NSMCE1: variants seen among roughly 807,000 people sequenced by gnomAD.
NSMCE1 encodes the protein NSE1 component of SMC5/6 complex.
NSMCE1 carries 18 observed loss-of-function variants against 29.6 expected under a neutral mutation model. That is an observed-to-expected ratio of 0.61 (90% CI 0.42 to 0.90). The LOEUF is 0.90. Among genes scored for constraint, NSMCE1 ranks in the 40% least tolerant of loss-of-function variants. The probability of loss-of-function intolerance (pLI) is 0.00; values close to 1 mark genes in which losing one functional copy is unlikely to be tolerated. For missense variants in NSMCE1, 314 were observed against 343.6 expected, an observed-to-expected ratio of 0.91 and a Z score of 0.68; for synonymous variants, 124 against 133.4, an observed-to-expected ratio of 0.93 and a Z score of 0.49.
intron 5 of NSMCE1, among the ~76,000 whole-genome samples, chr16:27,229,872 C>T (rs1473470588): frequency 6.6e-6 from 1 of 152,196 alleles, no homozygotes; most frequent in Admixed American, 6.5e-5. Flanking sequence ...AGCCACTGCA[C>T]CCAGCCAAGC....
At position 27,235,208 on chromosome 16, in the gene NSMCE1, C is replaced by T. The variant is rs1365931358; in HGVS notation, c.228G>A (p.Thr76=). The change falls in exon 3 of 8, where the codon ACG becomes ACA. Residue 76 remains threonine, a synonymous_variant. Coordinates refer to ENST00000361439, the MANE Select transcript of NSMCE1 (RefSeq NM_145080.4). ...SLYIEIKRGV[T]EDDGRPIYAL... ...CATAAATGGGTCTCCCATCATCTTCCGTGACTCCTCTCTTTATCTCAATAT... is the reference window on the plus strand; with the variant it reads ...CATAAATGGGTCTCCCATCATCTTCTGTGACTCCTCTCTTTATCTCAATAT... 8 of 1,614,018 alleles carry T rather than the reference C, an allele frequency of 5.0e-6. No homozygotes were observed. The highest frequency in any genetic ancestry group is 2.2e-5 in the East Asian group (1 of 44,870).
chr16:27,255,479 T>G (rs1002985836), intron 2 of NSMCE1, among the ~76,000 whole-genome samples: 1 of 152,168 alleles, frequency 6.6e-6, no homozygotes, highest in African/African-American at 2.4e-5. Context: ...CATATATTCT[T>G]GTCTAGGGAT....
chr16:27,256,549 C>T (rs1321072480), intron 2 of NSMCE1, among the ~76,000 whole-genome samples: 6 of 152,242 alleles, frequency 3.9e-5, no homozygotes, highest in Admixed American at 3.9e-4. Context: ...CATACAATTA[C>T]TCATCCATCA....
chr16:27,260,167 TA>T (rs145425010), intron 1 of NSMCE1, among the ~76,000 whole-genome samples: 4 of 151,978 alleles, frequency 2.6e-5, no homozygotes, highest in Non-Finnish European at 4.4e-5. Context: ...CTTCTATCTT[TA>T]AAAAAAAGTT....
intron 3 of NSMCE1, 61 bp from the exon 4 acceptor site, chr16:27,234,326 C>G: frequency 1.8e-6 from 2 of 1,108,674 alleles, no homozygotes; most frequent in Middle Eastern, 3.9e-4. Flanking sequence ...TAACGTGTCG[C>G]TGGCTCTCCC....
chr16:27,240,632 G>A (rs2083883691), intron 2 of NSMCE1, among the ~76,000 whole-genome samples: 1 of 152,206 alleles, frequency 6.6e-6, no homozygotes, highest in Non-Finnish European at 1.5e-5. Context: ...CCCATCAGTG[G>A]TGGCAATTGA....
At chr16:27,261,858 A>AT (rs1567285404) in intron 1 of NSMCE1, among the ~76,000 whole-genome samples, 3 of 152,250 alleles carry the variant, frequency 2.0e-5, no homozygotes, top group African/African-American at 7.2e-5. Flanking sequence ...AAGGAATGAC[A>AT]TATCATCACT....
intron 1 of NSMCE1, among the ~76,000 whole-genome samples, chr16:27,266,058 G>A (rs1045612358): frequency 1.1e-4 from 17 of 151,986 alleles, no homozygotes; most frequent in Admixed American, 9.8e-4. Flanking sequence ...CAATTGTATA[G>A]GTATGTTACA....
At chr16:27,233,496 T>C (rs908130387) in intron 4 of NSMCE1, among the ~76,000 whole-genome samples, 1 of 152,074 alleles carries the variant, frequency 6.6e-6, no homozygotes, top group African/African-American at 2.4e-5. Flanking sequence ...CGCAGGTGTG[T>C]GCTCAGCTCA....
At chr16:27,233,535 T>TA (rs2083784850) in intron 4 of NSMCE1, among the ~76,000 whole-genome samples, 1 of 152,220 alleles carries the variant, frequency 6.6e-6, no homozygotes, top group Non-Finnish European at 1.5e-5. Flanking sequence ...TGGTGGCTAA[T>TA]AATCCCCAGG....
chr16:27,237,746 A>G (rs1401589065), intron 2 of NSMCE1, among the ~76,000 whole-genome samples: 1 of 152,192 alleles, frequency 6.6e-6, no homozygotes, highest in Non-Finnish European at 1.5e-5. Flanking sequence ...TGGACTTTCC[A>G]GACACCCCGT....
At chr16:27,238,110 C>A (rs2083846376) in intron 2 of NSMCE1, among the ~76,000 whole-genome samples, 1 of 152,216 alleles carries the variant, frequency 6.6e-6, no homozygotes, top group Non-Finnish European at 1.5e-5. Context: ...AACCCTTCAA[C>A]TGACTCCTTT....
At chr16:27,227,783 C>CTTTT (rs1239133211) in intron 5 of NSMCE1, among the ~76,000 whole-genome samples, 6 of 65,986 alleles carry the variant, frequency 9.1e-5, no homozygotes, top group Non-Finnish European at 1.5e-4. Flanking sequence ...CTTTTCTTTT[C>CTTTT]TTTTTTTTTT....
chr16:27,231,939 G>T (rs2083767004), intron 5 of NSMCE1, among the ~76,000 whole-genome samples: 1 of 152,144 alleles, frequency 6.6e-6, no homozygotes, highest in Non-Finnish European at 1.5e-5. Context: ...GCGCCCAGCA[G>T]ATCCTGCACT....
chr16:27,254,631 G>A (rs1411849806), intron 2 of NSMCE1, among the ~76,000 whole-genome samples: 1 of 152,160 alleles, frequency 6.6e-6, no homozygotes, highest in Non-Finnish European at 1.5e-5. Context: ...TGTTGCCCAG[G>A]CTGGAGTGCA....
At chr16:27,254,401 A>C (rs2084063468) in intron 2 of NSMCE1, among the ~76,000 whole-genome samples, 1 of 152,258 alleles carries the variant, frequency 6.6e-6, no homozygotes, top group African/African-American at 2.4e-5. Flanking sequence ...TTAGATCATA[A>C]CAATTTTAAA....
At chr16:27,225,641 G>A in intron 7 of NSMCE1, 85 bp downstream of exon 7, 5 of 1,537,856 alleles carry the variant, frequency 3.3e-6, no homozygotes, top group Non-Finnish European at 4.4e-6. Flanking sequence ...GCCCTTCAGG[G>A]CCCTGTCTCC....
intron 2 of NSMCE1, among the ~76,000 whole-genome samples, chr16:27,236,185 C>T (rs373091896): frequency 6.6e-6 from 1 of 152,046 alleles, no homozygotes. Flanking sequence ...GACAGGAGCC[C>T]GTGGCCGGGG....
chr16:27,257,981 G>A (rs2141009380), intron 1 of NSMCE1: 1 of 154,484 alleles, frequency 6.5e-6, no homozygotes, highest in East Asian at 1.9e-4. Flanking sequence ...AAATAAGTCT[G>A]AGCTATTTTT....
Sources: allele counts gnomAD v4.1 joint callset (sites outside exome capture counted in the v4.1 genomes callset), GRCh38; gene constraint gnomAD v4.1.1; transcripts MANE v1.5; gene names NCBI Gene and HGNC (gene_info 2026-07-23, HGNC 2026-07-21).